MBD6: variants seen among roughly 807,000 people sequenced by gnomAD.
The protein encoded by MBD6 is methyl-CpG binding domain protein 6, also known as methyl-CpG-binding domain protein 6.
Under a neutral mutation model 66.8 loss-of-function variants are expected in MBD6, and 22 were observed. The observed-to-expected ratio is 0.33, with a 90% CI of 0.24 to 0.47. The LOEUF (loss-of-function observed/expected upper bound fraction) is 0.47. Ranked by LOEUF, MBD6 falls within the 20% of genes least tolerant of loss-of-function variation. The probability of loss-of-function intolerance (pLI) is 1.00; values close to 1 mark genes in which losing one functional copy is unlikely to be tolerated. For missense variants in MBD6, 1,322 were observed against 1,286.9 expected, an observed-to-expected ratio of 1.03 and a Z score of -0.42; for synonymous variants, 540 against 534.6, an observed-to-expected ratio of 1.01 and a Z score of -0.14.
chr12:57,525,704 C>G lies in MBD6; in HGVS notation c.736C>G (p.Pro246Ala). 1 of 1,614,064 alleles carries G rather than the reference C, an allele frequency of 6.2e-7. No individual in the cohort carries two copies. The highest frequency in any genetic ancestry group is 8.5e-7 in the Non-Finnish European group (1 of 1,179,976). The change falls in exon 6 of 13, where the codon CCG becomes GCG. Residue 246 changes from proline to alanine, a missense_variant. By Grantham distance (27) the Pro-to-Ala change is conservative. Transcript: ENST00000355673. ...GGTGCCCTCTGACCTGGGCTCTCCT[C>G]CGGCCCCTCATGCCTCCTCCTCACC... ...SLVPSDLGSP[P>A]APHASSSPPS...
chr12:57,527,357 T>TG, intron 7 of MBD6, 130 bp downstream of exon 7: 1 of 1,170,752 alleles, frequency 8.5e-7, no homozygotes, highest in Non-Finnish European at 1.2e-6. Flanking sequence ...AGTTCTTGGC[T>TG]GGGGGTAGGA....
chr12:57,523,903 C>T (rs1417552304), intron 1 of MBD6, 126 bp from the exon 2 acceptor site: 1 of 155,152 alleles, frequency 6.4e-6, no homozygotes, highest in East Asian at 1.9e-4. Flanking sequence ...CCAGCAGATC[C>T]CCGAGATCTT....
rs1385855824 is a variant in MBD6 at position 57,527,158 on chromosome 12, T to C, written c.2013T>C (p.Pro671=). The C allele has an allele frequency of 2.8e-6, 4 of 1,423,304 alleles. No individual in the cohort carries two copies. The South Asian group carries it at 3.9e-5, about 14-fold the overall frequency. 88.2% of individuals were successfully genotyped at this position (1,423,304 alleles called of 1,614,324 possible). Residue 671 remains proline (P), a synonymous_variant, in exon 7 of 13, where the codon CCT becomes CCC. Transcript: ENST00000355673. ...PLLFPPLSAP[P]TLIALNSALL... ...TTTTCCCCCCACTTTCAGCCCCCCCTACCCTCATAGCTTTAAATTCTGCGC... is the reference window on the plus strand; with the variant it reads ...TTTTCCCCCCACTTTCAGCCCCCCCCACCCTCATAGCTTTAAATTCTGCGC...
At position 57,527,868 on chromosome 12, in the gene MBD6, A is replaced by G. The variant is rs1646654813; in HGVS notation, c.2257A>G (p.Ser753Gly). The G allele has an allele frequency of 6.2e-7, 1 of 1,613,694 alleles. No homozygotes were observed. The highest frequency in any genetic ancestry group is 8.5e-7 in the Non-Finnish European group (1 of 1,179,966). The change falls in exon 9 of 13, where the codon AGC becomes GGC. Residue 753 changes from serine to glycine, a missense_variant. Coordinates refer to ENST00000355673, the MANE Select transcript of MBD6 (RefSeq NM_052897.4). Reference sequence around the variant, plus strand: ...AACAGGTGACCTGTCTTCACTGACCAGCAGCCCTGGAGCCCTCCCCAGCCT... The same window carrying G: ...AACAGGTGACCTGTCTTCACTGACCGGCAGCCCTGGAGCCCTCCCCAGCCT... ...SLLGDLSSLT[S>G]SPGALPSLLQ...
In MBD6 at chr12:57,528,717, A is replaced by G; in HGVS notation, c.2872A>G (p.Asn958Asp). 2 of 1,614,118 alleles carry G rather than the reference A, an allele frequency of 1.2e-6. No individual in the cohort carries two copies. The highest frequency in any genetic ancestry group is 1.7e-6 in the Non-Finnish European group (2 of 1,180,002). The change falls in exon 11 of 13, where the codon AAC (asparagine) becomes GAC (aspartate). Residue 958 changes from asparagine to aspartate, a missense_variant and splice_region_variant. By Grantham distance (23) the Asn-to-Asp change is conservative (BLOSUM62 1). Coordinates refer to ENST00000355673, the MANE Select transcript of MBD6 (RefSeq NM_052897.4). ...KSRRGRRRKY[N>D]PTRNSNSSRQ... ...TCGTCGTGGCCGTAGGAGAAAATAC[A>G]AGTGAGTGTTGGGCCTACTATAGTG...
At chr12:57,527,472 C>A in intron 7 of MBD6, 35 bp from the exon 8 acceptor site, 1 of 1,609,522 alleles carries the variant, frequency 6.2e-7, no homozygotes, top group Non-Finnish European at 8.5e-7. Flanking sequence ...GAGTATTTTA[C>A]ACGCGTAAGT....
rs745757342 is a variant in MBD6 at position 57,527,599 on chromosome 12, C to G, written c.2175C>G (p.Ala725=). The change falls in exon 8 of 13, where the codon GCC becomes GCG. Residue 725 remains alanine, a synonymous_variant. Transcript: ENST00000355673. ...CGGGGGCCTCCTCTCTGGGCAAGGC[C>G]CCCTCCAACTCAGGGAGACCCCCCC... ...TDPGASSLGK[A]PSNSGRPPQL... is the part of the protein sequence containing the mutation. 1 of 1,613,734 alleles carries G rather than the reference C, an allele frequency of 6.2e-7. No homozygotes were observed. Among genetic ancestry groups the G allele is most frequent in the African/African-American group, 1.3e-5 (1 of 74,912 alleles).
At position 57,526,292 on chromosome 12, in the gene MBD6, C is replaced by T. The variant is rs1177163698; in HGVS notation, c.1324C>T (p.Pro442Ser). 2 of 1,613,904 alleles carry T rather than the reference C, an allele frequency of 1.2e-6. No homozygotes were observed. Among genetic ancestry groups the T allele is most frequent in the Non-Finnish European group, 8.5e-7 (1 of 1,179,994 alleles). ...GGGGTCAGATGCACACCTTCCTCCTCCCCCAACCCTCTCCTCAGGGAGCCC... is the reference window on the plus strand; with the variant it reads ...GGGGTCAGATGCACACCTTCCTCCTTCCCCAACCCTCTCCTCAGGGAGCCC... Reference protein sequence around the residue: ...LLGSDAHLPPPPTLSSGSPPQ... With the variant: ...LLGSDAHLPPSPTLSSGSPPQ... Residue 442 changes from proline (P) to serine (S), a missense_variant, in exon 6 of 13, where the codon CCC (proline) becomes TCC (serine). Pro to Ser is a moderately conservative substitution (Grantham distance 74). Transcript: ENST00000355673.
At chr12:57,525,270 G>C in intron 5 of MBD6, 78 bp from the exon 6 acceptor site, 1 of 1,487,710 alleles carries the variant, frequency 6.7e-7, no homozygotes, top group Non-Finnish European at 9.0e-7. Context: ...GGAACTTGTG[G>C]GAGATGGGAC....
chr12:57,528,899 C>G (rs766384180), intron 11 of MBD6, 47 bp from the exon 12 acceptor site: 1 of 1,613,746 alleles, frequency 6.2e-7, no homozygotes, highest in Non-Finnish European at 8.5e-7. Flanking sequence ...CTGAAATTCA[C>G]CTGGTGCTTG....
At chr12:57,530,633 G>GTT, downstream of MBD6, 1 of 1,453,804 alleles carries the variant, frequency 6.9e-7, no homozygotes, top group Non-Finnish European at 9.6e-7. Context: ...TATGTAAGCT[G>GTT]TTAACAGAGT....
chr12:57,525,201 C>A, intron 5 of MBD6, 86 bp downstream of exon 5: 2 of 1,532,940 alleles, frequency 1.3e-6, no homozygotes, highest in Non-Finnish European at 1.8e-6. Context: ...TGAGAGGGAG[C>A]AAAGAGAAAG....
intron 7 of MBD6, 77 bp downstream of exon 7, chr12:57,527,304 G>T: frequency 8.6e-7 from 1 of 1,156,464 alleles, no homozygotes; most frequent in Non-Finnish European, 1.2e-6. Flanking sequence ...AAAGCTTTCA[G>T]TTTCATTCCT....
In MBD6 at chr12:57,528,526, C is replaced by T. The variant is rs1443616523; in HGVS notation, c.2786C>T (p.Pro929Leu). The change falls in exon 10 of 13, where the codon CCA (proline) becomes CTA (leucine). Residue 929 changes from proline (P) to leucine (L), a missense_variant. Pro to Leu is a moderately conservative substitution (Grantham distance 98). Transcript: ENST00000355673. ...LAEGGAEPKD[P>L]PPPGPHSEDL... ...GAAGGGGGTGCTGAGCCCAAGGATCCACCCCCTCCCGGGCCCCATTCTGAG... is the reference window on the plus strand; with the variant it reads ...GAAGGGGGTGCTGAGCCCAAGGATCTACCCCCTCCCGGGCCCCATTCTGAG... 2 of 1,612,440 alleles carry T rather than the reference C, an allele frequency of 1.2e-6. No homozygotes were observed. Among genetic ancestry groups the T allele is most frequent in the Non-Finnish European group, 8.5e-7 (1 of 1,178,968 alleles).
chr12:57,528,582 T>C (rs1201147924), intron 10 of MBD6, 22 bp downstream of exon 10: 18 of 1,611,278 alleles, frequency 1.1e-5, no homozygotes, highest in Non-Finnish European at 1.5e-5. Flanking sequence ...GTGCTGGTAG[T>C]CTGGGCTCAG....
At chr12:57,525,181 A>G in intron 5 of MBD6, 66 bp downstream of exon 5, 1 of 1,564,824 alleles carries the variant, frequency 6.4e-7, no homozygotes, top group Non-Finnish European at 8.6e-7. Context: ...TGGTGGTGGG[A>G]GGAGTTCCTT....
At position 57,527,128 on chromosome 12, in the gene MBD6, C is replaced by A. The variant is rs201065336; in HGVS notation, c.1983C>A (p.Pro661=). 2.0e-6 allele frequency: 3 copies of A among 1,534,722 alleles called. No individual in the cohort carries two copies. Among genetic ancestry groups the A allele is most frequent in the African/African-American group, 1.4e-5 (1 of 72,494 alleles). Residue 661 remains proline, a synonymous_variant, in exon 7 of 13, where the codon CCC becomes CCA. Coordinates refer to ENST00000355673, the MANE Select transcript of MBD6 (RefSeq NM_052897.4). ...TTTCAGGCTTGGGAGACCTGTCCCC[C>A]CTACTTTTCCCCCCACTTTCAGCCC... ...EPFSGLGDLS[P]LLFPPLSAPP...
rs771593008 is a variant in MBD6, at chr12:57,527,135, T to G, written c.1990T>G (p.Phe664Val). ...SGLGDLSPLL[F>V]PPLSAPPTLI... ...CTTGGGAGACCTGTCCCCCCTACTT[T>G]TCCCCCCACTTTCAGCCCCCCCTAC... The change falls in exon 7 of 13, where the codon TTC becomes GTC. Residue 664 changes from phenylalanine (F) to valine (V), a missense_variant. By Grantham distance (50) the Phe-to-Val change is conservative. Transcript: ENST00000355673. 46 of 1,508,166 alleles carry G rather than the reference T, an allele frequency of 3.1e-5. No homozygotes were observed. The highest frequency in any genetic ancestry group is 7.4e-5 in the South Asian group (6 of 81,166). The allele number at this position is 1,508,166 out of a possible 1,614,324, so 93.4% of individuals were successfully genotyped here. A position where few individuals can be genotyped will look rare whatever the true frequency, so the allele number is the denominator to read the frequency against.
chr12:57,529,091 T>G (rs1231471723), intron 12 of MBD6, 69 bp from the exon 13 acceptor site: 13 of 1,611,964 alleles, frequency 8.1e-6, no homozygotes, highest in African/African-American at 4.0e-5. Flanking sequence ...TTAGAGGGAG[T>G]GGGGAGAAAA....
Sources: gnomAD v4.1 joint callset for allele counts on GRCh38, gnomAD v4.1.1 for gene constraint, MANE v1.5 for transcripts, NCBI Gene and HGNC (gene_info 2026-07-23, HGNC 2026-07-21) for gene names.